MCM10: variants seen among roughly 807,000 people sequenced by gnomAD.
The protein encoded by MCM10 is minichromosome maintenance 10 replication initiation factor.
A neutral mutation model predicts 109.9 loss-of-function variants in MCM10; 91 were observed. The observed-to-expected ratio is 0.83, with a 90% CI of 0.70 to 0.99. The LOEUF is 0.99. MCM10 is among the 50% of genes least tolerant of loss of function. The pLI, the probability that MCM10 is intolerant of heterozygous loss-of-function variation, is 0.00. For missense variants in MCM10, 1,077 were observed against 1,061.2 expected (o/e 1.01, Z -0.21); for synonymous variants, 380 against 387.2 (o/e 0.98, Z 0.22).
chr10:13,195,275 T>C lies in MCM10; in HGVS notation c.1974+6T>C. ...CTTTAGCAGAAGCCAAAAAGGTAAC[T>C]GGCATCTCTTCTCTTTAGCACTTGA... On this transcript the variant is annotated splice_donor_region_variant and intron_variant, in intron 14 of 19. Coordinates refer to ENST00000378714, the MANE Select transcript of MCM10 (RefSeq NM_018518.5). 1.3e-6 allele frequency: 2 copies of C among 1,579,748 alleles called. No homozygotes were observed. Among genetic ancestry groups the C allele is most frequent in the Non-Finnish European group, 8.6e-7 (1 of 1,160,460 alleles).
At chr10:13,175,722 G>C (rs1834134259) in intron 6 of MCM10, 41 bp downstream of exon 6, 1 of 1,419,048 alleles carries the variant, frequency 7.0e-7, no homozygotes, top group Non-Finnish European at 9.7e-7. Flanking sequence ...CCACGGCATA[G>C]CTTTTTGTGC....
chr10:13,161,625 G>A lies in MCM10; in HGVS notation c.-76+19G>A, dbSNP rs1475917672. 1.3e-5 allele frequency: 2 copies of A among 152,354 alleles called. No individual in the cohort carries two copies. The highest frequency in any genetic ancestry group is 2.4e-5 in the African/African-American group (1 of 41,446). The allele number at this position is 152,354 out of a possible 1,614,324, so 9.4% of individuals were successfully genotyped here. ...GCATCGGGTGAGGAGCGCGGGCCCCGGGCGTGCGTGTGACCCTCGGGCGGC... is the reference window on the plus strand; with the variant it reads ...GCATCGGGTGAGGAGCGCGGGCCCCAGGCGTGCGTGTGACCCTCGGGCGGC... On this transcript the variant is annotated intron_variant, in intron 1 of 19. Coordinates refer to ENST00000378714, the MANE Select transcript of MCM10 (RefSeq NM_018518.5).
intron 18 of MCM10, among the ~76,000 whole-genome samples, chr10:13,204,998 G>GTGTA (rs1834554957): frequency 1.0e-4 from 2 of 19,564 alleles, no homozygotes; most frequent in African/African-American, 1.3e-4. Flanking sequence ...ATGTATGTAT[G>GTGTA]TATGTATATA....
intron 1 of MCM10, among the ~76,000 whole-genome samples, chr10:13,162,994 G>A (rs552023235): frequency 8.6e-5 from 13 of 151,888 alleles, no homozygotes; most frequent in Non-Finnish European, 1.8e-4. Flanking sequence ...CAGGAGAATG[G>A]CGTGAACCCG....
chr10:13,185,473 C>A (rs896730065), intron 8 of MCM10, among the ~76,000 whole-genome samples: 1 of 152,178 alleles, frequency 6.6e-6, no homozygotes, highest in African/African-American at 2.4e-5. Context: ...GGGGAGCCAG[C>A]CTCCTAACTC....
chr10:13,195,394 T>G, intron 14 of MCM10, 125 bp downstream of exon 14: 1 of 726,714 alleles, frequency 1.4e-6, no homozygotes, highest in South Asian at 2.0e-5. Flanking sequence ...TTTGAAAACA[T>G]GGTAGTGTCA....
intron 11 of MCM10, among the ~76,000 whole-genome samples, chr10:13,192,038 T>C (rs1437109608): frequency 2.0e-5 from 3 of 152,252 alleles, no homozygotes; most frequent in Non-Finnish European, 4.4e-5. Flanking sequence ...GGGCTTAATA[T>C]TCTAATCATT....
At chr10:13,189,137 C>A in intron 10 of MCM10, 57 bp downstream of exon 10, 1 of 1,565,436 alleles carries the variant, frequency 6.4e-7, no homozygotes, top group Non-Finnish European at 8.8e-7. Flanking sequence ...AAGACTAAAC[C>A]TACTGGTTGT....
At position 13,171,196 on chromosome 10, in the gene MCM10, G is replaced by A. The variant is rs1196029665; in HGVS notation, c.282G>A (p.Gln94=). The A allele has an allele frequency of 6.2e-7, 1 of 1,614,154 alleles. No individual in the cohort carries two copies. Among genetic ancestry groups the A allele is most frequent in the Non-Finnish European group, 8.5e-7 (1 of 1,180,024 alleles). ...LTDEEEVPAS[Q]STENRVLPAP... ...ATGAAGAAGAAGTTCCCGCATCACA[G>A]TCAACTGAAAATAGGGTCCTCCCTG... Residue 94 remains glutamine (Q), a synonymous_variant, in exon 3 of 20, where the codon CAG becomes CAA. Coordinates refer to ENST00000378714, the MANE Select transcript of MCM10 (RefSeq NM_018518.5).
rs1834087952 is a variant in MCM10 at position 13,172,517 on chromosome 10, AT to A, written c.454+41del. On this transcript the variant is annotated intron_variant, in intron 4 of 19. Coordinates refer to ENST00000378714, the MANE Select transcript of MCM10 (RefSeq NM_018518.5). This position sits in a 1 kb window ranked among gnomAD's most constrained non-coding sequence, Gnocchi z 5.2. ...GTCATTCTGGCAATCGTGTGCATTT[AT>A]TTTATTAGAAATTATCACATCATTT... The A allele has an allele frequency of 1.9e-6, 3 of 1,605,892 alleles. No homozygotes were observed. The highest frequency in any genetic ancestry group is 2.6e-6 in the Non-Finnish European group (3 of 1,173,162).
Position 13,195,277 on chromosome 10 carries a change from G to T in MCM10, c.1974+8G>T. 6.3e-7 allele frequency: 1 copy of T among 1,578,312 alleles called. No homozygotes were observed. The highest frequency in any genetic ancestry group is 8.6e-7 in the Non-Finnish European group (1 of 1,159,624). ...TTAGCAGAAGCCAAAAAGGTAACTGGCATCTCTTCTCTTTAGCACTTGAGT... is the reference window on the plus strand; with the variant it reads ...TTAGCAGAAGCCAAAAAGGTAACTGTCATCTCTTCTCTTTAGCACTTGAGT... On this transcript the variant is annotated splice_region_variant and intron_variant, in intron 14 of 19. Coordinates refer to ENST00000378714, the MANE Select transcript of MCM10 (RefSeq NM_018518.5).
intron 6 of MCM10, among the ~76,000 whole-genome samples, chr10:13,178,045 T>A (rs1158797561): frequency 1.3e-5 from 2 of 152,108 alleles, no homozygotes; most frequent in Non-Finnish European, 2.9e-5. Flanking sequence ...TCCTAGAGAG[T>A]TTCCCCAATG....
In MCM10 at chr10:13,170,918, CT is replaced by C; in HGVS notation, c.8-3del. ...TCTCTGTCCTTTCTCTTCTTTTCCCCTAGAGGAGGAAGACAATCTGTCTCTG... is the reference window on the plus strand; with the variant it reads ...TCTCTGTCCTTTCTCTTCTTTTCCCCAGAGGAGGAAGACAATCTGTCTCTG... On this transcript the variant is annotated splice_region_variant and splice_polypyrimidine_tract_variant and intron_variant, in intron 2 of 19. Coordinates refer to ENST00000378714, the MANE Select transcript of MCM10 (RefSeq NM_018518.5). 6.2e-7 allele frequency: 1 copy of C among 1,610,112 alleles called. No individual in the cohort carries two copies. The highest frequency in any genetic ancestry group is 8.5e-7 in the Non-Finnish European group (1 of 1,177,000).
intron 16 of MCM10, among the ~76,000 whole-genome samples, chr10:13,200,682 G>C (rs751297583): frequency 2.6e-5 from 4 of 152,200 alleles, no homozygotes; most frequent in Non-Finnish European, 5.9e-5. Flanking sequence ...CTGCCCTCAG[G>C]GCTGTTCCCT....
At position 13,172,322 on chromosome 10, in the gene MCM10, T is replaced by C. The variant is rs41306924; in HGVS notation, c.350-54T>C. On this transcript the variant is annotated intron_variant, in intron 3 of 19. Coordinates refer to ENST00000378714, the MANE Select transcript of MCM10 (RefSeq NM_018518.5). The surrounding 1 kb of genome is among the most constrained non-coding windows in gnomAD (Gnocchi z 5.2). ...AAAAATATTGCCCGCATTTTTGTCA[T>C]GTAGAACGTTTTCTCCTGCCTGGTT... 0.023 allele frequency: 31,871 copies of C among 1,384,736 alleles called. 435 individuals carry two copies. The highest frequency in any genetic ancestry group is 0.028 in the Non-Finnish European group (27,594 of 977,530). The allele number at this position is 1,384,736 out of a possible 1,614,324, so 85.8% of individuals were successfully genotyped here. A position where few individuals can be genotyped will look rare whatever the true frequency, so the allele number is the denominator to read the frequency against.
At position 13,209,363 on chromosome 10, in the gene MCM10, A is replaced by C; in HGVS notation, c.*53A>C. The C allele has an allele frequency of 7.2e-7, 1 of 1,394,260 alleles. No individual in the cohort carries two copies. The highest frequency in any genetic ancestry group is 1.0e-6 in the Non-Finnish European group (1 of 983,724). 86.4% of individuals were successfully genotyped at this position (1,394,260 alleles called of 1,614,324 possible). A position where few individuals can be genotyped will look rare whatever the true frequency, so the allele number is the denominator to read the frequency against. On this transcript the variant is annotated 3_prime_UTR_variant, in exon 20 of 20. Coordinates refer to ENST00000378714, the MANE Select transcript of MCM10 (RefSeq NM_018518.5). ...CTTCCTGGCCTCCTGTGACTCTGGA[A>C]AGCAAAGGATTGGCTGTGTATTGTC...
intron 11 of MCM10, 46 bp downstream of exon 11, chr10:13,191,445 T>C: frequency 6.7e-7 from 1 of 1,503,262 alleles, no homozygotes; most frequent in Non-Finnish European, 9.3e-7. Flanking sequence ...AGTTTAATTA[T>C]GCAGCCTTAG....
chr10:13,165,132 G>A (rs1044837752), intron 2 of MCM10, among the ~76,000 whole-genome samples: 3 of 152,176 alleles, frequency 2.0e-5, no homozygotes, highest in African/African-American at 4.8e-5. Flanking sequence ...CCCTAGGCAT[G>A]CTGTGTTTTT....
intron 6 of MCM10, among the ~76,000 whole-genome samples, chr10:13,177,395 A>G (rs1834155037): frequency 6.6e-6 from 1 of 152,100 alleles, no homozygotes; most frequent in African/African-American, 2.4e-5. Flanking sequence ...TGGAATATTT[A>G]CATTTAATAG....
Sources: allele counts gnomAD v4.1 joint callset (sites outside exome capture counted in the v4.1 genomes callset), GRCh38; gene constraint gnomAD v4.1.1; non-coding constraint Gnocchi (gnomAD v3.1); transcripts MANE v1.5; gene names NCBI Gene and HGNC (gene_info 2026-07-23, HGNC 2026-07-21).